Variants in ANKRD33B observed in about 807,000 individuals in gnomAD.
ANKRD33B encodes the protein ankyrin repeat domain 33B.
A neutral mutation model predicts 21.5 loss-of-function variants in ANKRD33B; 6 were observed. The observed-to-expected ratio is 0.28, with a 90% CI of 0.15 to 0.55. The LOEUF (loss-of-function observed/expected upper bound fraction) is 0.55, where lower values mean the gene tolerates loss of function less well. Ranked by LOEUF, ANKRD33B falls within the 20% of genes least tolerant of loss-of-function variation. ANKRD33B has a pLI of 0.94. For synonymous variants in ANKRD33B, 347 were observed against 342.4 expected (o/e 1.01, Z -0.15); for missense variants, 698 against 747.2 (o/e 0.93, Z 0.77).
chr5:10,598,528 A>G (rs973101270), intron 1 of ANKRD33B, among the ~76,000 whole-genome samples: 2 of 152,220 alleles, frequency 1.3e-5, no homozygotes, highest in East Asian at 1.9e-4. Context: ...CGGCCTCCCA[A>G]AGTGCTGGGA....
At chr5:10,632,557 T>C (rs1468276085) in intron 2 of ANKRD33B, among the ~76,000 whole-genome samples, 1 of 152,146 alleles carries the variant, frequency 6.6e-6, no homozygotes, top group African/African-American at 2.4e-5. Context: ...AGGAGCTCTC[T>C]GAATCAAGCA....
chr5:10,629,959 A>G (rs1399038331), intron 2 of ANKRD33B, among the ~76,000 whole-genome samples: 2 of 152,206 alleles, frequency 1.3e-5, no homozygotes, highest in African/African-American at 2.4e-5. Context: ...TGGTTTCAGC[A>G]AAGTCAGAGA....
intron 2 of ANKRD33B, among the ~76,000 whole-genome samples, chr5:10,634,459 T>A: frequency 6.7e-6 from 1 of 148,672 alleles, no homozygotes; most frequent in South Asian, 2.1e-4. Flanking sequence ...CAAACTAGAT[T>A]TTTTTCTTTT....
intron 2 of ANKRD33B, among the ~76,000 whole-genome samples, chr5:10,620,790 G>A (rs780610211): frequency 1.1e-4 from 16 of 152,312 alleles, no homozygotes; most frequent in Non-Finnish European, 2.4e-4. Flanking sequence ...TGTGGGTGAT[G>A]CTAAATTTGA....
In ANKRD33B at chr5:10,649,697, C is replaced by A. The variant is rs1054801792; in HGVS notation, c.1069C>A (p.Gln357Lys). 1.4e-5 allele frequency: 21 copies of A among 1,518,750 alleles called. No individual in the cohort carries two copies. The African/African-American group carries it at 2.5e-4, about 18-fold the overall frequency. The allele number at this position is 1,518,750 out of a possible 1,614,324, so 94.1% of individuals were successfully genotyped here. A position where few individuals can be genotyped will look rare whatever the true frequency, so the allele number is the denominator to read the frequency against. The change falls in exon 4 of 4, where the codon CAG becomes AAG. Residue 357 changes from glutamine (Q) to lysine (K), a missense_variant. Physicochemically the swap from Gln to Lys is moderately conservative, Grantham distance 53 (BLOSUM62 1). Around this residue, in one of 3 missense-constraint regions of ANKRD33B, gnomAD observed 543 missense variants for 566.5 expected, o/e 0.96. Transcript: ENST00000296657. The part of the protein sequence containing the change: ...AARAARGPQA[Q>K]EEDEVGGAGQ... ...GCGGGCTGCACGGGGCCCCCAGGCG[C>A]AGGAGGAGGATGAGGTGGGGGGCGC...
Position 10,619,762 on chromosome 5 carries a change from C to T in ANKRD33B, c.496+1300C>T, listed in dbSNP as rs937524244. Among the ~76,000 whole-genome samples, 1 of 152,164 alleles carries T rather than the reference C, an allele frequency of 6.6e-6. No individual in the cohort carries two copies. The highest frequency in any genetic ancestry group is 1.5e-5 in the Non-Finnish European group (1 of 68,036). On this transcript the variant is annotated intron_variant, in intron 2 of 3. Coordinates refer to ENST00000296657, the MANE Select transcript of ANKRD33B (RefSeq NM_001164440.2). This position sits in a 1 kb window ranked among gnomAD's most constrained non-coding sequence, Gnocchi z 4.5. ...TCAGTGATTCGTTTCCTCTCGTGGG[C>T]CAGCTGCCATGTCAGGGACCAAGGA...
chr5:10,581,062 G>T lies in ANKRD33B; in HGVS notation c.366+16229G>T, dbSNP rs539698407. ...CTGGTTCTGCCCTTGCCAGCCCAGG[G>T]CTTCTGCCTTCTCAGGCTGCTTCTC... is the stretch of plus-strand genomic sequence containing the variant. On this transcript the variant is annotated intron_variant, in intron 1 of 3. Transcript: ENST00000296657. Among the ~76,000 whole-genome samples the T allele has an allele frequency of 3.1e-4, 47 of 152,254 alleles. 1 individual carries two copies. Among genetic ancestry groups the T allele is most frequent in the African/African-American group, 1.0e-3 (43 of 41,534 alleles).
chr5:10,584,904 C>A (rs1406290743), intron 1 of ANKRD33B, among the ~76,000 whole-genome samples: 2 of 152,148 alleles, frequency 1.3e-5, no homozygotes, highest in Non-Finnish European at 1.5e-5. Context: ...GAGGAAGGAA[C>A]CTTTGAGTAA....
chr5:10,611,949 A>G (rs1040597118), intron 1 of ANKRD33B, among the ~76,000 whole-genome samples: 15 of 152,194 alleles, frequency 9.9e-5, no homozygotes, highest in African/African-American at 3.4e-4. Flanking sequence ...GGTCTTCTCT[A>G]CAGGCCACAT....
At chr5:10,636,457 A>AT (rs34572739) in intron 2 of ANKRD33B, among the ~76,000 whole-genome samples, 63,991 of 151,558 alleles carry the variant, frequency 0.42, 13,780 homozygotes, top group Middle Eastern at 0.55. Flanking sequence ...ACAAAAAAAA[A>AT]TTTTTTTTAA....
At position 10,649,261 on chromosome 5, in the gene ANKRD33B, T is replaced by C. The variant is rs752892500; in HGVS notation, c.638-5T>C. 29 of 1,514,562 alleles carry C rather than the reference T, an allele frequency of 1.9e-5. 1 individual carries two copies. In the African/African-American group the frequency reaches 3.4e-4, roughly 18 times the overall value. 93.8% of individuals were successfully genotyped at this position (1,514,562 alleles called of 1,614,324 possible). On this transcript the variant is annotated splice_region_variant and splice_polypyrimidine_tract_variant and intron_variant, in intron 3 of 3. Transcript: ENST00000296657. Reference sequence around the variant, plus strand: ...CCACTTCTGTTTGTGTTTTGCGTTTTGCAGGGGCGGATGTCCACGCGAGGG... The same window carrying C: ...CCACTTCTGTTTGTGTTTTGCGTTTCGCAGGGGCGGATGTCCACGCGAGGG...
intron 1 of ANKRD33B, among the ~76,000 whole-genome samples, chr5:10,611,909 G>A (rs970982713): frequency 6.6e-6 from 1 of 152,152 alleles, no homozygotes; most frequent in African/African-American, 2.4e-5. Flanking sequence ...GGAATTTAAG[G>A]CCAGCAGGTG....
At position 10,588,709 on chromosome 5, in the gene ANKRD33B, A is replaced by C. The variant is rs189545063; in HGVS notation, c.366+23876A>C. 8.3e-3 allele frequency among the ~76,000 whole-genome samples: 1,265 copies of C among 152,276 alleles called. 59 individuals are homozygous for C. The highest frequency in any genetic ancestry group is 0.074 in the Admixed American group (1,132 of 15,292). On this transcript the variant is annotated intron_variant, in intron 1 of 3. Transcript: ENST00000296657. ...TCTTCCGGGCAACCCACAATTTTCC[A>C]GGTAGAGTTTTCTCCATCAGCCTGA...
In ANKRD33B at chr5:10,649,337, G is replaced by T; in HGVS notation, c.709G>T (p.Val237Leu). ...GGAGTGGGCCACTTACACGGGCCGC[G>T]TGGATGCCGTCCGTCTCATGCAGAG... Reference protein sequence around the residue: ...PQEWATYTGRVDAVRLMQRLL... With the variant: ...PQEWATYTGRLDAVRLMQRLL... Residue 237 changes from valine (V) to leucine (L), a missense_variant, in exon 4 of 4, where the codon GTG becomes TTG. Val to Leu is a conservative substitution (Grantham distance 32, BLOSUM62 1). Around this residue, in one of 3 missense-constraint regions of ANKRD33B, gnomAD observed 543 missense variants for 566.5 expected, o/e 0.96. Transcript: ENST00000296657. 6.5e-7 allele frequency: 1 copy of T among 1,535,002 alleles called. No individual in the cohort carries two copies. The highest frequency in any genetic ancestry group is 1.4e-5 in the African/African-American group (1 of 73,118).
chr5:10,625,654 C>G (rs938779685), intron 2 of ANKRD33B, among the ~76,000 whole-genome samples: 4 of 152,174 alleles, frequency 2.6e-5, no homozygotes, highest in African/African-American at 9.7e-5. Flanking sequence ...GGACCCGGCT[C>G]TTAGGCCAGT....
chr5:10,610,712 A>G (rs13357136), intron 1 of ANKRD33B, among the ~76,000 whole-genome samples: 2,115 of 152,328 alleles, frequency 0.014, 37 homozygotes, highest in African/African-American at 0.049. Flanking sequence ...CATGGAGAGC[A>G]TTTTGTGCAA....
chr5:10,606,660 C>T (rs910860536), intron 1 of ANKRD33B, among the ~76,000 whole-genome samples: 15 of 151,424 alleles, frequency 9.9e-5, no homozygotes, highest in Non-Finnish European at 1.8e-4. Flanking sequence ...CTTGAACCCA[C>T]GAGGTGGAGG....
intron 2 of ANKRD33B, among the ~76,000 whole-genome samples, chr5:10,626,422 T>C (rs1736549161): frequency 6.6e-6 from 1 of 152,238 alleles, no homozygotes; most frequent in African/African-American, 2.4e-5. Context: ...GAGATCAGTC[T>C]TTTCAGTATT....
At chr5:10,643,035 G>A (rs1737101077) in intron 3 of ANKRD33B, among the ~76,000 whole-genome samples, 1 of 152,106 alleles carries the variant, frequency 6.6e-6, no homozygotes, top group African/African-American at 2.4e-5. Flanking sequence ...CTCCTGAGTA[G>A]CTAGGACTAC....
Sources: gnomAD v4.1 joint callset for allele counts (sites outside exome capture counted in the v4.1 genomes callset) on GRCh38, gnomAD v4.1.1 for gene constraint, gnomAD v4.1.1 regional missense constraint, Gnocchi (gnomAD v3.1) non-coding constraint, MANE v1.5 for transcripts, NCBI Gene and HGNC (gene_info 2026-07-23, HGNC 2026-07-21) for gene names.